ADGRL2: variants seen among roughly 807,000 people sequenced by gnomAD.
ADGRL2 encodes the protein adhesion G protein-coupled receptor L2.
ADGRL2 carries 44 observed loss-of-function variants against 157.4 expected under a neutral mutation model. The observed-to-expected ratio is 0.28, with a 90% CI of 0.22 to 0.36. The LOEUF (loss-of-function observed/expected upper bound fraction) is 0.36, where lower values mean the gene tolerates loss of function less well. Among genes scored for constraint, ADGRL2 ranks in the 10% least tolerant of loss-of-function variants. The pLI is 1.00. For synonymous variants in ADGRL2, 585 were observed against 624.7 expected (o/e 0.94, Z 0.95); for missense variants, 1,510 against 1,768.9 (o/e 0.85, Z 2.63).
At chr1:81,344,432 T>C (rs1378797017) in intron 1 of ADGRL2, among the ~76,000 whole-genome samples, 1 of 152,082 alleles carries the variant, frequency 6.6e-6, no homozygotes, top group Non-Finnish European at 1.5e-5. Context: ...ATCTCAGCAC[T>C]TTGGGAGGAC....
chr1:81,555,821 A>T (rs2080261597), intron 2 of ADGRL2, among the ~76,000 whole-genome samples: 1 of 152,118 alleles, frequency 6.6e-6, no homozygotes, highest in South Asian at 2.1e-4. Flanking sequence ...CAAAAATAAT[A>T]CAAGCAAGCA....
chr1:81,990,585 G>A lies in ADGRL2; in HGVS notation c.3850G>A (p.Gly1284Ser). The A allele has an allele frequency of 6.2e-7, 1 of 1,614,120 alleles. No homozygotes were observed. Among genetic ancestry groups the A allele is most frequent in the Non-Finnish European group, 8.5e-7 (1 of 1,180,000 alleles). The change falls in exon 24 of 24, where the codon GGC becomes AGC. Residue 1284 changes from glycine (G) to serine (S), a missense_variant. Around this residue, in one of 4 missense-constraint regions of ADGRL2, gnomAD observed 327 missense variants for 310.1 expected, o/e 1.05. Coordinates refer to ENST00000686636, the MANE Select transcript of ADGRL2 (RefSeq NM_001366006.2). The stretch of plus-strand genomic sequence containing the variant: ...AGAATTAGTGCACAACAACTTACGG[G>A]GCAGCAGCAAGACTCACAACCTCGA... ...ISELVHNNLR[G>S]SSKTHNLELT...
intron 1 of ADGRL2, among the ~76,000 whole-genome samples, chr1:81,828,976 A>C (rs924392247): frequency 3.3e-5 from 5 of 151,000 alleles, no homozygotes; most frequent in Non-Finnish European, 5.9e-5. Context: ...CAGTGGCGCT[A>C]TCTTGGCTCA....
intron 3 of ADGRL2, among the ~76,000 whole-genome samples, chr1:81,929,407 A>G (rs909029564): frequency 6.6e-6 from 1 of 152,176 alleles, no homozygotes; most frequent in African/African-American, 2.4e-5. Flanking sequence ...TAGCATATCT[A>G]ATGATCTGCT....
chr1:81,492,427 AACAC>A (rs907041172), intron 2 of ADGRL2, among the ~76,000 whole-genome samples: 2 of 152,200 alleles, frequency 1.3e-5, no homozygotes, highest in Non-Finnish European at 2.9e-5. Context: ...AATTCAGTTA[AACAC>A]ACAGAACTTT....
chr1:81,414,044 A>G (rs1456614040), intron 1 of ADGRL2: 1 of 152,238 alleles, frequency 6.6e-6, no homozygotes, highest in Non-Finnish European at 1.5e-5. Flanking sequence ...GCAATGCAAA[A>G]GTAGATGCTG....
chr1:81,464,120 G>A (rs779488590), intron 2 of ADGRL2, among the ~76,000 whole-genome samples: 1 of 152,232 alleles, frequency 6.6e-6, no homozygotes, highest in African/African-American at 2.4e-5. Flanking sequence ...AAGTGTTATC[G>A]TCTCAAGTGG....
intron 3 of ADGRL2, among the ~76,000 whole-genome samples, chr1:81,927,217 T>C (rs1360585411): frequency 6.6e-6 from 1 of 152,014 alleles, no homozygotes; most frequent in Non-Finnish European, 1.5e-5. Flanking sequence ...CAAGCTTTTG[T>C]TGACTTGCCA....
intron 2 of ADGRL2, among the ~76,000 whole-genome samples, chr1:81,456,265 G>A (rs2077804112): frequency 6.6e-6 from 1 of 151,956 alleles, no homozygotes; most frequent in South Asian, 2.1e-4. Flanking sequence ...TGTTGCTCAG[G>A]CTGGAGTGCA....
chr1:81,983,686 T>C (rs1244765051), intron 19 of ADGRL2, among the ~76,000 whole-genome samples: 1 of 152,060 alleles, frequency 6.6e-6, no homozygotes, highest in African/African-American at 2.4e-5. Context: ...AAAACATGTA[T>C]ATGCCAGTAT....
chr1:81,409,808 T>C (rs2076918460), intron 1 of ADGRL2, among the ~76,000 whole-genome samples: 1 of 152,216 alleles, frequency 6.6e-6, no homozygotes, highest in African/African-American at 2.4e-5. Flanking sequence ...CAAGAAAGGA[T>C]AAATTTCACC....
intron 6 of ADGRL2, among the ~76,000 whole-genome samples, chr1:81,945,822 T>C (rs1457292961): frequency 2.6e-5 from 4 of 152,020 alleles, no homozygotes; most frequent in Non-Finnish European, 5.9e-5. Context: ...TGATGAAAAG[T>C]ATTATCTGAC....
intron 2 of ADGRL2, among the ~76,000 whole-genome samples, chr1:81,445,520 C>T (rs1004610507): frequency 6.6e-6 from 1 of 152,072 alleles, no homozygotes. Context: ...ACAAAATATC[C>T]TGTGGTGGTG....
rs79680803 is a variant in ADGRL2 at position 81,486,862 on chromosome 1, C to A, written c.-248+41773C>A. 2.4e-3 allele frequency among the ~76,000 whole-genome samples: 368 copies of A among 152,120 alleles called. 2 individuals carry two copies. In the Middle Eastern group the frequency reaches 0.034, roughly 14 times the overall value. ...GTAAAAAAATAAACAAAGTGCATAC[C>A]TTTTTGAAAGTATCTAAGACTTTAC... On this transcript the variant is annotated intron_variant, in intron 2 of 24. Transcript: ENST00000370721.
chr1:81,763,066 A>AAT (rs2085951778), intron 2 of ADGRL2, among the ~76,000 whole-genome samples: 1 of 150,738 alleles, frequency 6.6e-6, no homozygotes, highest in African/African-American at 2.4e-5. Flanking sequence ...AAAAAAAAAA[A>AAT]AGGAAAAAAG....
intron 2 of ADGRL2, among the ~76,000 whole-genome samples, chr1:81,547,940 A>G (rs887813618): frequency 2.0e-5 from 3 of 152,200 alleles, no homozygotes; most frequent in Non-Finnish European, 2.9e-5. Flanking sequence ...CTGTGCATCA[A>G]TGTTATTTTA....
chr1:81,849,857 T>A (rs1372107859), intron 2 of ADGRL2, among the ~76,000 whole-genome samples: 1 of 151,930 alleles, frequency 6.6e-6, no homozygotes, highest in Non-Finnish European at 1.5e-5. Context: ...ATGCATAGAT[T>A]TAGAAGATAA....
chr1:81,397,393 T>C (rs1032795677), intron 1 of ADGRL2, among the ~76,000 whole-genome samples: 1 of 140,190 alleles, frequency 7.1e-6, no homozygotes, highest in Non-Finnish European at 1.5e-5. Flanking sequence ...CAATCTCTGC[T>C]CACTGCAACT....
At chr1:81,639,612 A>G (rs1020616207) in intron 3 of ADGRL2, among the ~76,000 whole-genome samples, 1 of 151,674 alleles carries the variant, frequency 6.6e-6, no homozygotes, top group South Asian at 2.1e-4. Context: ...AGCAGTAGTA[A>G]CTATATTAAT....
Sources: allele counts gnomAD v4.1 joint callset (sites outside exome capture counted in the v4.1 genomes callset), GRCh38; gene constraint gnomAD v4.1.1; regional missense constraint gnomAD v4.1.1; transcripts MANE v1.5; gene names NCBI Gene and HGNC (gene_info 2026-07-23, HGNC 2026-07-21).